The following FRMPD1 variants were observed in gnomAD, a reference collection of about 807,000 sequenced individuals.
FRMPD1 encodes FERM and PDZ domain containing 1.
A neutral mutation model predicts 117.8 loss-of-function variants in FRMPD1; 76 were observed. The ratio of observed to expected loss-of-function variants is 0.65; its 90% CI spans 0.54 to 0.78. FRMPD1 has a LOEUF of 0.78. Among genes scored for constraint, FRMPD1 ranks in the 30% least tolerant of loss-of-function variants. The pLI is 0.00. For missense variants in FRMPD1, 1,786 were observed against 1,964.5 expected (o/e 0.91, Z 1.72); for synonymous variants, 783 against 770.4 (o/e 1.02, Z -0.27).
chr9:37,672,968 C>G (rs1396849581), intron 1 of FRMPD1, among the ~76,000 whole-genome samples: 1 of 152,196 alleles, frequency 6.6e-6, no homozygotes, highest in African/African-American at 2.4e-5. Flanking sequence ...AATGGGGACA[C>G]AGCCAAACCA....
chr9:37,684,850 C>A (rs1353584621), intron 1 of FRMPD1, among the ~76,000 whole-genome samples: 1 of 152,110 alleles, frequency 6.6e-6, no homozygotes, highest in African/African-American at 2.4e-5. Flanking sequence ...ACCTCCTGGG[C>A]TCAGGTGATC....
intron 7 of FRMPD1, among the ~76,000 whole-genome samples, chr9:37,728,967 A>G (rs1294554506): frequency 2.0e-5 from 3 of 151,472 alleles, no homozygotes; most frequent in Non-Finnish European, 2.9e-5. Flanking sequence ...CGTCTCAAAA[A>G]AAAAAAAAAA....
chr9:37,726,710 T>TATAAATAA (rs562797754), intron 7 of FRMPD1, among the ~76,000 whole-genome samples: 1 of 151,538 alleles, frequency 6.6e-6, no homozygotes, highest in Non-Finnish European at 1.5e-5. Context: ...AAAAAATAAA[T>TATAAATAA]ATAAATAAAT....
the FRMPD1 span, among the ~76,000 whole-genome samples, chr9:37,620,266 TAGA>T: frequency 6.6e-6 from 1 of 151,956 alleles, no homozygotes; most frequent in East Asian, 1.9e-4. Context: ...CACAGCAGAG[TAGA>T]AGGAGCAGTG....
the FRMPD1 span, among the ~76,000 whole-genome samples, chr9:37,625,270 C>T: frequency 1.3e-5 from 2 of 152,122 alleles, no homozygotes; most frequent in Non-Finnish European, 2.9e-5. Flanking sequence ...AGTTCTGGCA[C>T]TGTAATTGCT....
chr9:37,642,417 G>A, the FRMPD1 span, among the ~76,000 whole-genome samples: 2 of 151,726 alleles, frequency 1.3e-5, no homozygotes, highest in Non-Finnish European at 2.9e-5. Flanking sequence ...TTATTATTTA[G>A]TTTCTTTCAC....
chr9:37,608,340 C>T, the FRMPD1 span, among the ~76,000 whole-genome samples: 2 of 152,160 alleles, frequency 1.3e-5, no homozygotes, highest in Non-Finnish European at 2.9e-5. Context: ...AAACCAATTT[C>T]AAAGGCACTG....
intron 2 of FRMPD1, among the ~76,000 whole-genome samples, chr9:37,695,048 T>TA (rs1264342568): frequency 1.3e-5 from 2 of 152,138 alleles, no homozygotes; most frequent in Admixed American, 6.6e-5. Flanking sequence ...GATAGATAGA[T>TA]ATGTCTGTGA....
intron 1 of FRMPD1, among the ~76,000 whole-genome samples, chr9:37,666,612 A>G (rs1242183627): frequency 2.6e-5 from 4 of 152,074 alleles, no homozygotes; most frequent in African/African-American, 9.7e-5. Flanking sequence ...GCCTTCCCTG[A>G]TAGCTCACTC....
chr9:37,657,996 C>T (rs1294794262), intron 1 of FRMPD1, among the ~76,000 whole-genome samples: 1 of 152,058 alleles, frequency 6.6e-6, no homozygotes, highest in Non-Finnish European at 1.5e-5. Flanking sequence ...GCCCCATTGG[C>T]CCGATCCTGT....
At chr9:37,722,215 T>A (rs569907409) in intron 6 of FRMPD1, among the ~76,000 whole-genome samples, 56 of 151,632 alleles carry the variant, frequency 3.7e-4, no homozygotes, top group Middle Eastern at 3.4e-3. Context: ...TGTGGTTTTT[T>A]AAAATAAGTT....
intron 1 of FRMPD1, among the ~76,000 whole-genome samples, chr9:37,681,606 A>T (rs915157369): frequency 1.3e-5 from 2 of 152,234 alleles, no homozygotes; most frequent in African/African-American, 4.8e-5. Context: ...TTGACATTGG[A>T]AATGTAATGT....
rs34040451 is a variant in FRMPD1 at position 37,678,251 on chromosome 9, C to CTTT, written c.-4-14361_-4-14359dup. 3.3e-3 allele frequency among the ~76,000 whole-genome samples: 264 copies of CTTT among 79,830 alleles called. 31 individuals are homozygous for CTTT. Among genetic ancestry groups the CTTT allele is most frequent in the African/African-American group, 0.012 (228 of 19,402 alleles). The allele number at this position is 79,830 out of a possible 152,430, so 52.4% of individuals were successfully genotyped here. The stretch of plus-strand genomic sequence containing the variant: ...CTCTTTTCCCCTCTAGTACTTACCA[C>CTTT]TTTTTTTTTTTTTTTTTTTTTTTTT... On this transcript the variant is annotated intron_variant, in intron 1 of 15. Coordinates refer to ENST00000377765, the MANE Select transcript of FRMPD1 (RefSeq NM_014907.3).
chr9:37,624,120 C>G, the FRMPD1 span, among the ~76,000 whole-genome samples: 16 of 152,062 alleles, frequency 1.1e-4, no homozygotes, highest in Non-Finnish European at 2.2e-4. Context: ...AGGGGAAAGG[C>G]AAGGAAGGAA....
the FRMPD1 span, among the ~76,000 whole-genome samples, chr9:37,604,519 C>G: frequency 3.0e-4 from 46 of 152,338 alleles, no homozygotes; most frequent in Non-Finnish European, 3.4e-4. Flanking sequence ...TGCTTAGAAG[C>G]AGGGGCTTCT....
the FRMPD1 span, among the ~76,000 whole-genome samples, chr9:37,637,518 T>C: frequency 5.9e-5 from 9 of 152,206 alleles, no homozygotes; most frequent in African/African-American, 2.2e-4. Flanking sequence ...GTCCCTAAAA[T>C]TCCCCCTTGC....
chr9:37,705,192 G>A (rs560475003), intron 2 of FRMPD1, among the ~76,000 whole-genome samples: 25 of 151,590 alleles, frequency 1.6e-4, no homozygotes, highest in African/African-American at 5.3e-4. Flanking sequence ...CTGTGTGAAT[G>A]TCATCTGCTA....
chr9:37,666,195 C>A (rs769591942), intron 1 of FRMPD1, among the ~76,000 whole-genome samples: 3 of 152,080 alleles, frequency 2.0e-5, no homozygotes, highest in Non-Finnish European at 4.4e-5. Context: ...AAAATGGGGG[C>A]ATTTTTTGGG....
rs1395448043 is a variant in FRMPD1 at position 37,682,562 on chromosome 9, A to G, written c.-4-10076A>G. ...TTAATTAAAGGCAAAGCCAGGAAGG[A>G]AACCAGGTCTCCTAATATCTAGTTC... is the stretch of plus-strand genomic sequence containing the variant. On this transcript the variant is annotated intron_variant, in intron 1 of 15. Transcript: ENST00000377765. 9.9e-5 allele frequency among the ~76,000 whole-genome samples: 15 copies of G among 152,252 alleles called. No homozygotes were observed. In the South Asian group the frequency reaches 2.9e-3, roughly 29 times the overall value.
Sources: allele counts gnomAD v4.1 joint callset (sites outside exome capture counted in the v4.1 genomes callset), GRCh38; gene constraint gnomAD v4.1.1; transcripts MANE v1.5; gene names NCBI Gene and HGNC (gene_info 2026-07-23, HGNC 2026-07-21).